SMOC2: variants seen among roughly 807,000 people sequenced by gnomAD.
The protein encoded by SMOC2 is SPARC-related modular calcium-binding protein 2.
In SMOC2, 39 loss-of-function variants were observed where a neutral mutation model predicts 61.4. That is an observed-to-expected ratio of 0.64 (90% confidence interval 0.49 to 0.83). The LOEUF (loss-of-function observed/expected upper bound fraction) is 0.83, where lower values mean the gene tolerates loss of function less well. Ranked by LOEUF, SMOC2 falls within the 40% of genes least tolerant of loss-of-function variation. SMOC2 has a pLI of 0.00. For synonymous variants in SMOC2, 247 were observed against 239.9 expected, an observed-to-expected ratio of 1.03 and a Z score of -0.27; for missense variants, 556 against 592.9, an observed-to-expected ratio of 0.94 and a Z score of 0.65.
chr6:168,573,603 GC>G (rs1391200274), intron 7 of SMOC2, among the ~76,000 whole-genome samples: 1 of 152,136 alleles, frequency 6.6e-6, no homozygotes. Flanking sequence ...CAGGCAGCGA[GC>G]GCCTGCGACA....
chr6:168,607,565 C>A (rs1785731081), intron 8 of SMOC2, among the ~76,000 whole-genome samples: 1 of 149,120 alleles, frequency 6.7e-6, no homozygotes, highest in Non-Finnish European at 1.5e-5. Flanking sequence ...GTCATTGATG[C>A]TAAGTGGGAC....
intron 7 of SMOC2, among the ~76,000 whole-genome samples, chr6:168,582,498 C>T (rs1166923490): frequency 6.6e-6 from 1 of 152,050 alleles, no homozygotes; most frequent in African/African-American, 2.4e-5. Context: ...CAAAGGAGGC[C>T]GAGGGAGTGG....
At chr6:168,619,608 A>G (rs1310283731) in intron 9 of SMOC2, among the ~76,000 whole-genome samples, 1 of 152,188 alleles carries the variant, frequency 6.6e-6, no homozygotes, top group African/African-American at 2.4e-5. Flanking sequence ...CTTCCCTCCT[A>G]TCTTTTCTGA....
intron 8 of SMOC2, among the ~76,000 whole-genome samples, chr6:168,606,294 T>C (rs9455673): frequency 0.24 from 36,010 of 152,136 alleles, 4,528 homozygotes; most frequent in South Asian, 0.36. Flanking sequence ...AGAATATGAG[T>C]TAATGGCTTT....
intron 1 of SMOC2, among the ~76,000 whole-genome samples, chr6:168,443,424 G>A (rs1052390588): frequency 6.6e-6 from 1 of 152,216 alleles, no homozygotes; most frequent in African/African-American, 2.4e-5. Flanking sequence ...CTCTGTGCAG[G>A]AGCTGATACC....
At chr6:168,445,560 G>A (rs1048536256) in intron 1 of SMOC2, among the ~76,000 whole-genome samples, 1 of 152,146 alleles carries the variant, frequency 6.6e-6, no homozygotes, top group African/African-American at 2.4e-5. Flanking sequence ...TTTGGAATGC[G>A]TACCTCATCC....
At chr6:168,479,911 C>T (rs1326248715) in intron 1 of SMOC2, among the ~76,000 whole-genome samples, 3 of 152,054 alleles carry the variant, frequency 2.0e-5, no homozygotes. Flanking sequence ...CTTTTTCCTC[C>T]TTGGAAGCCA....
At chr6:168,631,757 T>TA (rs1416832569) in intron 9 of SMOC2, among the ~76,000 whole-genome samples, 2 of 152,180 alleles carry the variant, frequency 1.3e-5, no homozygotes, top group African/African-American at 2.4e-5. Flanking sequence ...CTCCTCATGT[T>TA]ACATGTTTTC....
In SMOC2 at chr6:168,510,071, C is replaced by G; in HGVS notation, c.241C>G (p.Arg81Gly). The G allele has an allele frequency of 6.2e-7, 1 of 1,614,028 alleles. No homozygotes were observed. The highest frequency in any genetic ancestry group is 1.7e-5 in the Admixed American group (1 of 60,020). ...CKDPQLEIAY[R>G]GNCKDVSRCV... Reference sequence around the variant, plus strand: ...AGATCCCCAGCTAGAGATTGCATATCGAGGAAACTGCAAAGGTAAGCTGCT... The same window carrying G: ...AGATCCCCAGCTAGAGATTGCATATGGAGGAAACTGCAAAGGTAAGCTGCT... Residue 81 changes from arginine (R) to glycine (G), a missense_variant, in exon 2 of 13, where the codon CGA (arginine) becomes GGA (glycine). Arg to Gly is a moderately radical substitution (Grantham distance 125). Transcript: ENST00000356284.
At chr6:168,450,856 A>T (rs1323699473) in intron 1 of SMOC2, among the ~76,000 whole-genome samples, 1 of 152,216 alleles carries the variant, frequency 6.6e-6, no homozygotes, top group Non-Finnish European at 1.5e-5. Context: ...CTCCAAATTT[A>T]AGATTCTGCT....
intron 9 of SMOC2, among the ~76,000 whole-genome samples, chr6:168,614,498 C>T (rs866145273): frequency 2.9e-3 from 78 of 26,934 alleles, no homozygotes; most frequent in Non-Finnish European, 3.6e-3. Context: ...GGCCTCTTCA[C>T]ACCTACAGCC....
chr6:168,627,539 T>C (rs1786446210), intron 9 of SMOC2, among the ~76,000 whole-genome samples: 1 of 152,200 alleles, frequency 6.6e-6, no homozygotes, highest in Non-Finnish European at 1.5e-5. Flanking sequence ...CAAAATCCAG[T>C]GACTCTGGTA....
chr6:168,598,759 C>T, intron 7 of SMOC2, 59 bp from the exon 8 acceptor site: 1 of 1,577,474 alleles, frequency 6.3e-7, no homozygotes. Flanking sequence ...CCCAAGAGCT[C>T]TGCATGTGGG....
chr6:168,581,679 G>C (rs139555798), intron 7 of SMOC2, among the ~76,000 whole-genome samples: 1 of 152,198 alleles, frequency 6.6e-6, no homozygotes. Flanking sequence ...TATTAATGTC[G>C]GATGCACCTG....
In SMOC2 at chr6:168,600,434, CAA is replaced by C. The variant is rs965875287; in HGVS notation, c.824+1440_824+1441del. 1.6e-3 allele frequency among the ~76,000 whole-genome samples: 41 copies of C among 25,370 alleles called. 4 individuals are homozygous for C. In the South Asian group the frequency reaches 0.018, roughly 11 times the overall value. The allele number at this position is 25,370 out of a possible 152,430, so 16.6% of individuals were successfully genotyped here. ...AAAAAAAAAAAAACAAAAAAAAAAA[CAA>C]AAAAAAAAACAGTAGTTTCAACTGT... On this transcript the variant is annotated intron_variant, in intron 8 of 12. Transcript: ENST00000356284.
intron 7 of SMOC2, among the ~76,000 whole-genome samples, chr6:168,549,819 C>T (rs1447416863): frequency 6.6e-6 from 1 of 152,138 alleles, no homozygotes; most frequent in African/African-American, 2.4e-5. Context: ...TAACAGATTT[C>T]TCTGTGGATG....
chr6:168,516,920 T>C (rs956236862), intron 2 of SMOC2, among the ~76,000 whole-genome samples: 20 of 152,204 alleles, frequency 1.3e-4, no homozygotes, highest in Middle Eastern at 3.4e-3. Context: ...TGCCATTGCA[T>C]TCCAGCCTGG....
intron 4 of SMOC2, among the ~76,000 whole-genome samples, chr6:168,529,272 G>A (rs1783528040): frequency 6.6e-6 from 1 of 152,192 alleles, no homozygotes; most frequent in South Asian, 2.1e-4. Context: ...AGAGTAGATG[G>A]CCCTTTGCAT....
At chr6:168,447,705 G>A (rs1023246036) in intron 1 of SMOC2, among the ~76,000 whole-genome samples, 15 of 152,138 alleles carry the variant, frequency 9.9e-5, no homozygotes, top group Non-Finnish European at 1.9e-4. Context: ...ACGATGGCCT[G>A]TGGTGTGTTT....
Sources: allele counts gnomAD v4.1 joint callset (sites outside exome capture counted in the v4.1 genomes callset), GRCh38; gene constraint gnomAD v4.1.1; transcripts MANE v1.5; gene names NCBI Gene and HGNC (gene_info 2026-07-23, HGNC 2026-07-21).